GLIS3: variants seen among roughly 807,000 people sequenced by gnomAD.
GLIS3 encodes the protein GLIS family zinc finger 3.
Under a neutral mutation model 78.6 loss-of-function variants are expected in GLIS3, and 53 were observed. The observed-to-expected ratio is 0.67, with a 90% CI of 0.54 to 0.85. The LOEUF is 0.85. GLIS3 is among the 40% of genes least tolerant of loss of function. The pLI, the probability that GLIS3 is intolerant of heterozygous loss-of-function variation, is 0.00. For missense variants in GLIS3, 1,703 were observed against 1,231.1 expected (o/e 1.38, Z -5.74); for synonymous variants, 684 against 509.9 (o/e 1.34, Z -4.60).
the GLIS3 span, among the ~76,000 whole-genome samples, chr9:4,423,801 C>A: frequency 6.6e-6 from 1 of 152,172 alleles, no homozygotes; most frequent in Non-Finnish European, 1.5e-5. Context: ...CTACCTTATT[C>A]TTGTTCATAA....
chr9:4,469,240 T>C, the GLIS3 span, among the ~76,000 whole-genome samples: 250 of 152,068 alleles, frequency 1.6e-3, no homozygotes, highest in Non-Finnish European at 3.2e-3. Flanking sequence ...GACAGAAAGT[T>C]AACAAGGATA....
Position 4,188,993 on chromosome 9 carries a change from T to A in GLIS3, c.389-63052A>T, listed in dbSNP as rs1387722830. 2.6e-5 allele frequency among the ~76,000 whole-genome samples: 4 copies of A among 152,208 alleles called. 1 individual carries two copies. The highest frequency in any genetic ancestry group is 9.7e-5 in the African/African-American group (4 of 41,448). The stretch of plus-strand genomic sequence containing the variant: ...CTGAAGGGTTTTTTGTATCTCTATT[T>A]CCTTCAGTTCTGCTCTGATTTTAGT... On this transcript the variant is annotated intron_variant, in intron 2 of 10. Transcript: ENST00000381971.
chr9:3,839,181 T>A (rs1245038819), intron 9 of GLIS3, among the ~76,000 whole-genome samples: 6 of 152,226 alleles, frequency 3.9e-5, no homozygotes, highest in Non-Finnish European at 4.4e-5. Flanking sequence ...AGAGGAAATG[T>A]TGAGTGCCTT....
At chr9:3,896,416 G>C (rs555152607) in intron 7 of GLIS3, among the ~76,000 whole-genome samples, 66 of 152,148 alleles carry the variant, frequency 4.3e-4, no homozygotes, top group African/African-American at 1.6e-3. Flanking sequence ...TGTAATCCCA[G>C]CACTTTTGGA....
At chr9:4,462,312 G>C in the GLIS3 span, among the ~76,000 whole-genome samples, 1 of 152,116 alleles carries the variant, frequency 6.6e-6, no homozygotes, top group African/African-American at 2.4e-5. Flanking sequence ...ATAGCAACTT[G>C]ATATTGCCAG....
intron 7 of GLIS3, among the ~76,000 whole-genome samples, chr9:3,891,144 G>A (rs905186749): frequency 1.3e-5 from 2 of 151,528 alleles, no homozygotes; most frequent in African/African-American, 4.8e-5. Flanking sequence ...GTAATCTGTG[G>A]CATCTGTTCT....
intron 6 of GLIS3, among the ~76,000 whole-genome samples, chr9:3,914,697 A>C (rs1477189754): frequency 6.6e-6 from 1 of 152,200 alleles, no homozygotes; most frequent in African/African-American, 2.4e-5. Flanking sequence ...AAATTTGGTA[A>C]GTAGAAAACA....
chr9:4,188,099 G>T (rs867139049), intron 2 of GLIS3, among the ~76,000 whole-genome samples: 18 of 151,604 alleles, frequency 1.2e-4, no homozygotes, highest in East Asian at 5.8e-4. Context: ...ATGCTTCCAG[G>T]TTTTGCCCAT....
At chr9:3,870,280 G>A (rs1234041262) in intron 8 of GLIS3, among the ~76,000 whole-genome samples, 5 of 151,980 alleles carry the variant, frequency 3.3e-5, no homozygotes. Context: ...AATAAAACAA[G>A]AATTCAATAC....
intron 7 of GLIS3, among the ~76,000 whole-genome samples, chr9:3,880,051 CCT>C (rs554637109): frequency 7.7e-4 from 117 of 152,202 alleles, no homozygotes; most frequent in South Asian, 2.9e-3. Flanking sequence ...AGCTGGGGCC[CCT>C]CTCTGTCACT....
rs950806543 is a variant in GLIS3 at position 3,945,114 on chromosome 9, C to A, written c.1711-7925G>T. On this transcript the variant is annotated intron_variant, in intron 4 of 10. Coordinates refer to ENST00000381971, the MANE Select transcript of GLIS3 (RefSeq NM_001042413.2). ...AAGGCCCCACCTCTCAGCACTGACA[C>A]ATGGGGGGACCAAACTTTCAACATA... Among the ~76,000 whole-genome samples, 5 of 152,184 alleles carry A rather than the reference C, an allele frequency of 3.3e-5. 1 individual carries two copies. The highest frequency in any genetic ancestry group is 2.6e-4 in the Admixed American group (4 of 15,286).
intron 4 of GLIS3, among the ~76,000 whole-genome samples, chr9:4,058,665 C>A (rs542543423): frequency 6.6e-6 from 1 of 152,260 alleles, no homozygotes; most frequent in East Asian, 1.9e-4. Context: ...TGTCTTATAA[C>A]TGACTTTGTG....
At chr9:4,356,715 A>G in the GLIS3 span, among the ~76,000 whole-genome samples, 124 of 152,344 alleles carry the variant, frequency 8.1e-4, no homozygotes, top group African/African-American at 2.8e-3. Context: ...TCGCATGACT[A>G]TTAGAGCAAC....
intron 6 of GLIS3, among the ~76,000 whole-genome samples, chr9:3,904,188 T>G (rs560714951): frequency 2.0e-5 from 3 of 152,330 alleles, no homozygotes; most frequent in Admixed American, 2.0e-4. Flanking sequence ...CATCTAGGTG[T>G]GTGACTGCTG....
the GLIS3 span, among the ~76,000 whole-genome samples, chr9:4,422,507 G>C: frequency 6.6e-6 from 1 of 152,206 alleles, no homozygotes; most frequent in South Asian, 2.1e-4. Context: ...GATCCACCTG[G>C]ATTCTGTTTC....
intron 4 of GLIS3, among the ~76,000 whole-genome samples, chr9:3,978,549 A>G (rs559859032): frequency 6.6e-6 from 1 of 152,230 alleles, no homozygotes; most frequent in Admixed American, 6.5e-5. Context: ...TAAATAATCC[A>G]TACATTACTG....
intron 6 of GLIS3, among the ~76,000 whole-genome samples, chr9:3,922,086 T>A (rs1216529595): frequency 1.3e-5 from 2 of 152,358 alleles, no homozygotes; most frequent in East Asian, 3.9e-4. Context: ...CACTTTAGGA[T>A]ATGTACTAAG....
chr9:4,359,174 C>T, the GLIS3 span, among the ~76,000 whole-genome samples: 1 of 152,162 alleles, frequency 6.6e-6, no homozygotes, highest in African/African-American at 2.4e-5. Flanking sequence ...GTATGTCCCA[C>T]ACCCTAAACG....
At chr9:3,836,624 G>A (rs531351605) in intron 9 of GLIS3, among the ~76,000 whole-genome samples, 1 of 152,266 alleles carries the variant, frequency 6.6e-6, no homozygotes, top group Admixed American at 6.5e-5. Flanking sequence ...CAAGTCCAGG[G>A]AAAGAAAAGA....
Sources: allele counts gnomAD v4.1 joint callset (sites outside exome capture counted in the v4.1 genomes callset), GRCh38; gene constraint gnomAD v4.1.1; transcripts MANE v1.5; gene names NCBI Gene and HGNC (gene_info 2026-07-23, HGNC 2026-07-21).